Variants in PTPRR observed in about 807,000 individuals in gnomAD.
The protein encoded by PTPRR is protein tyrosine phosphatase receptor type R.
PTPRR carries 38 observed loss-of-function variants against 77.2 expected under a neutral mutation model. That is an observed-to-expected ratio of 0.49 (90% confidence interval 0.38 to 0.65). The LOEUF (loss-of-function observed/expected upper bound fraction) is 0.65. Ranked by LOEUF, PTPRR falls within the 30% of genes least tolerant of loss-of-function variation. The pLI is 0.00. For missense variants in PTPRR, 744 were observed against 799.2 expected, an observed-to-expected ratio of 0.93 and a Z score of 0.83; for synonymous variants, 299 against 283.1, an observed-to-expected ratio of 1.06 and a Z score of -0.57.
intron 6 of PTPRR, among the ~76,000 whole-genome samples, chr12:70,724,818 C>T (rs1413759429): frequency 6.6e-6 from 1 of 151,970 alleles, no homozygotes; most frequent in Admixed American, 6.6e-5. Context: ...TATATACACA[C>T]ACACACACAT....
intron 2 of PTPRR, among the ~76,000 whole-genome samples, chr12:70,816,900 G>T (rs557535978): frequency 6.6e-6 from 1 of 152,174 alleles, no homozygotes; most frequent in Admixed American, 6.5e-5. Flanking sequence ...AATGATTATG[G>T]ACAGCTGTAG....
intron 1 of PTPRR, among the ~76,000 whole-genome samples, chr12:70,894,382 A>G (rs1893389504): frequency 6.6e-6 from 1 of 151,756 alleles, no homozygotes; most frequent in African/African-American, 2.4e-5. Flanking sequence ...TCATTTATGC[A>G]TACAATATAC....
intron 13 of PTPRR, among the ~76,000 whole-genome samples, chr12:70,641,290 C>T (rs930309503): frequency 6.6e-6 from 1 of 152,214 alleles, no homozygotes; most frequent in Non-Finnish European, 1.5e-5. Flanking sequence ...CTATGTGCTC[C>T]ACCTCTTAGG....
chr12:70,887,915 G>A (rs544807258), intron 2 of PTPRR, among the ~76,000 whole-genome samples: 226 of 152,268 alleles, frequency 1.5e-3, no homozygotes, highest in African/African-American at 5.2e-3. Flanking sequence ...CCTTAGGCAA[G>A]AGTTCTGGGA....
chr12:70,788,251 C>T (rs1891361800), intron 2 of PTPRR, among the ~76,000 whole-genome samples: 1 of 152,192 alleles, frequency 6.6e-6, no homozygotes, highest in South Asian at 2.1e-4. Flanking sequence ...TCTCATAGCA[C>T]TGACTTTCAC....
In PTPRR at chr12:70,736,423, TA is replaced by T. The variant is rs1269485874; in HGVS notation, c.1007+9394del. 1.2e-4 allele frequency among the ~76,000 whole-genome samples: 18 copies of T among 152,314 alleles called. 1 individual carries two copies. The South Asian group carries it at 3.7e-3, about 32-fold the overall frequency. ...TGATTTCCCACAGATTATAGGTGTG[TA>T]CGCCTCCTCCCAACCCCCAAAGCAT... On this transcript the variant is annotated intron_variant, in intron 6 of 13. Coordinates refer to ENST00000283228, the MANE Select transcript of PTPRR (RefSeq NM_002849.4).
intron 5 of PTPRR, among the ~76,000 whole-genome samples, chr12:70,748,015 G>A (rs1452891587): frequency 6.6e-6 from 1 of 152,104 alleles, no homozygotes; most frequent in Non-Finnish European, 1.5e-5. Context: ...GGAAGGAGAA[G>A]GGAAAGGGTG....
chr12:70,858,853 C>T lies in PTPRR; in HGVS notation c.357+33826G>A, dbSNP rs117990133. ...TTTAGCTGGCAACTGCTTATATATTCGGTTGAGTCCTGATAACTGCCTATA... is the reference window on the plus strand; with the variant it reads ...TTTAGCTGGCAACTGCTTATATATTTGGTTGAGTCCTGATAACTGCCTATA... On this transcript the variant is annotated intron_variant, in intron 2 of 13. Transcript: ENST00000283228. Among the ~76,000 whole-genome samples, 995 of 151,972 alleles carry T rather than the reference C, an allele frequency of 6.5e-3. 34 individuals carry two copies. Among genetic ancestry groups the T allele is most frequent in the Admixed American group, 0.047 (723 of 15,230 alleles).
chr12:70,803,692 AGG>A (rs1891657619), intron 2 of PTPRR, among the ~76,000 whole-genome samples: 1 of 152,214 alleles, frequency 6.6e-6, no homozygotes, highest in African/African-American at 2.4e-5. Flanking sequence ...ATAATGCCTG[AGG>A]AAAGAGATTC....
chr12:70,907,688 G>C (rs1259918129), intron 1 of PTPRR, among the ~76,000 whole-genome samples: 1 of 152,164 alleles, frequency 6.6e-6, no homozygotes, highest in Non-Finnish European at 1.5e-5. Flanking sequence ...CATGAAGAAA[G>C]AATGAGCATT....
At chr12:70,651,796 G>A (rs1172565484) in intron 13 of PTPRR, among the ~76,000 whole-genome samples, 1 of 151,954 alleles carries the variant, frequency 6.6e-6, no homozygotes, top group African/African-American at 2.4e-5. Context: ...GAAATAATTA[G>A]AGATCAGGCA....
Position 70,771,110 on chromosome 12 carries a change from T to A in PTPRR, c.358-6332A>T, listed in dbSNP as rs1034048197. On this transcript the variant is annotated intron_variant, in intron 2 of 13. Transcript: ENST00000283228. ...CATGGCACATGTATACATATGTAAC[T>A]AACCTGCACATTGTGCACATGTACC... Among the ~76,000 whole-genome samples the A allele has an allele frequency of 6.0e-5, 9 of 151,168 alleles. No homozygotes were observed. The East Asian group carries it at 1.4e-3, about 23-fold the overall frequency.
intron 13 of PTPRR, among the ~76,000 whole-genome samples, chr12:70,650,964 C>T (rs111979329): frequency 1.8e-4 from 28 of 152,310 alleles, no homozygotes; most frequent in African/African-American, 6.3e-4. Flanking sequence ...TAATGCTTTG[C>T]TGTCACTGTC....
intron 10 of PTPRR, among the ~76,000 whole-genome samples, chr12:70,679,012 G>A (rs1252441644): frequency 6.6e-6 from 1 of 152,132 alleles, no homozygotes; most frequent in African/African-American, 2.4e-5. Flanking sequence ...CTTGAGGTGT[G>A]TCATTAAGTT....
At chr12:70,804,178 T>TGTGTGTG (rs1555176949) in intron 2 of PTPRR, among the ~76,000 whole-genome samples, 15 of 150,862 alleles carry the variant, frequency 9.9e-5, no homozygotes, top group South Asian at 4.2e-4. Flanking sequence ...TGTGTGTGTG[T>TGTGTGTG]TAAGGTTAAC....
Position 70,742,823 on chromosome 12 carries a change from G to A in PTPRR, c.1007+2995C>T, listed in dbSNP as rs904903815. ...AAGGTGCCAGGTCTTCATAATGTTC[G>A]GCTATATGGGGAGGGGAAAAACAAC... On this transcript the variant is annotated intron_variant, in intron 6 of 13. Transcript: ENST00000283228. Among the ~76,000 whole-genome samples, 8 of 152,150 alleles carry A rather than the reference G, an allele frequency of 5.3e-5. No individual in the cohort carries two copies. In the South Asian group the frequency reaches 8.3e-4, roughly 16 times the overall value.
chr12:70,905,844 CA>C (rs1893613694), intron 1 of PTPRR, among the ~76,000 whole-genome samples: 1 of 151,518 alleles, frequency 6.6e-6, no homozygotes, highest in African/African-American at 2.4e-5. Context: ...AGTGAACAAT[CA>C]AAAAAAGGCT....
rs567851211 is a variant in PTPRR at position 70,872,936 on chromosome 12, A to G, written c.357+19743T>C. Among the ~76,000 whole-genome samples the G allele has an allele frequency of 5.3e-5, 8 of 152,306 alleles. No homozygotes were observed. The South Asian group carries it at 1.7e-3, about 32-fold the overall frequency. ...ATTTTATGATATCTGGCATTTGTGC[A>G]TAATATAAATATTTCAAAGTGTTTT... On this transcript the variant is annotated intron_variant, in intron 2 of 13. Transcript: ENST00000283228.
chr12:70,680,126 T>G (rs947514250), intron 10 of PTPRR, among the ~76,000 whole-genome samples: 3 of 152,220 alleles, frequency 2.0e-5, no homozygotes, highest in African/African-American at 7.2e-5. Context: ...TGATAACAAC[T>G]TAACTTTGGT....
Sources: gnomAD v4.1 joint callset for allele counts (sites outside exome capture counted in the v4.1 genomes callset) on GRCh38, gnomAD v4.1.1 for gene constraint, MANE v1.5 for transcripts, NCBI Gene and HGNC (gene_info 2026-07-23, HGNC 2026-07-21) for gene names.